Variants in PEPD observed in about 807,000 individuals in gnomAD.
The protein encoded by PEPD is peptidase D.
In PEPD, 53 loss-of-function variants were observed where a neutral mutation model predicts 60.7. That is an observed-to-expected ratio of 0.87 (90% confidence interval 0.70 to 1.10). The LOEUF (loss-of-function observed/expected upper bound fraction) is 1.10, where lower values mean the gene tolerates loss of function less well. PEPD is among the 50% of genes least tolerant of loss of function. PEPD has a pLI of 0.00. For synonymous variants in PEPD, 267 were observed against 284.1 expected (o/e 0.94, Z 0.60); for missense variants, 711 against 711.9 (o/e 1.00, Z 0.01).
chr19:33,450,890 C>CGCCATGTCAGTTTACCATTGT (rs1358830873), intron 9 of PEPD, among the ~76,000 whole-genome samples: 4 of 152,280 alleles, frequency 2.6e-5, no homozygotes, highest in African/African-American at 9.6e-5. Flanking sequence ...CCCACCAGTG[C>CGCCATGTCAGTTTACCATTGT]GCCATGTCAG....
At chr19:33,430,866 G>A (rs1398761261) in intron 9 of PEPD, among the ~76,000 whole-genome samples, 1 of 152,054 alleles carries the variant, frequency 6.6e-6, no homozygotes, top group African/African-American at 2.4e-5. Flanking sequence ...GCAAGTGCAC[G>A]CCGTCTGCCA....
At chr19:33,392,876 C>T (rs758955295) in intron 12 of PEPD, among the ~76,000 whole-genome samples, 4 of 151,864 alleles carry the variant, frequency 2.6e-5, no homozygotes, top group South Asian at 4.1e-4. Flanking sequence ...CCATCACCCC[C>T]GACACACTGG....
chr19:33,436,570 A>G (rs1048689352), intron 9 of PEPD, among the ~76,000 whole-genome samples: 2 of 152,212 alleles, frequency 1.3e-5, no homozygotes, highest in African/African-American at 4.8e-5. Context: ...TGGGAGAAGA[A>G]GATGTTTAGG....
chr19:33,422,649 G>A (rs935019762), intron 9 of PEPD, among the ~76,000 whole-genome samples: 4 of 134,290 alleles, frequency 3.0e-5, no homozygotes, highest in Non-Finnish European at 6.4e-5. Flanking sequence ...TACCTCCTAC[G>A]TACCTATCAT....
In PEPD at chr19:33,408,439, GCACAGCCTCGGTCAGTT is replaced by G. The variant is rs1205326356; in HGVS notation, c.818+3216_818+3232del. ...CTTACACTGTGATCATTGCAACGCA[GCACAGCCTCGGTCAGTT>G]CCCTGTGTGTGTATCCATGTGTGTG... On this transcript the variant is annotated intron_variant, in intron 11 of 14. Coordinates refer to ENST00000244137, the MANE Select transcript of PEPD (RefSeq NM_000285.4). Among the ~76,000 whole-genome samples the G allele has an allele frequency of 7.2e-5, 11 of 152,376 alleles. No homozygotes were observed. In the East Asian group the frequency reaches 2.1e-3, roughly 29 times the overall value.
chr19:33,437,692 G>A (rs556615048), intron 9 of PEPD, among the ~76,000 whole-genome samples: 2 of 152,346 alleles, frequency 1.3e-5, no homozygotes, highest in Admixed American at 6.5e-5. Context: ...AGTGCAGAGA[G>A]CCCGTTGGAA....
At chr19:33,475,963 G>A (rs1001221827) in intron 7 of PEPD, among the ~76,000 whole-genome samples, 16 of 152,178 alleles carry the variant, frequency 1.1e-4, no homozygotes, top group African/African-American at 3.6e-4. Flanking sequence ...GGGCTCAAGC[G>A]ATCCTCCTGC....
chr19:33,519,298 T>A (rs1161755963), intron 1 of PEPD, among the ~76,000 whole-genome samples: 2 of 152,176 alleles, frequency 1.3e-5, no homozygotes, highest in African/African-American at 4.8e-5. Flanking sequence ...ATTCTTGAGT[T>A]TCAAATTAAA....
chr19:33,511,309 C>T, intron 2 of PEPD, 154 bp from the exon 3 acceptor site: 3 of 732,274 alleles, frequency 4.1e-6, no homozygotes, highest in Non-Finnish European at 7.1e-6. Flanking sequence ...CAGCACTCGA[C>T]TCCCCAGCTC....
At chr19:33,486,611 C>A (rs1019198032) in intron 6 of PEPD, among the ~76,000 whole-genome samples, 5 of 152,134 alleles carry the variant, frequency 3.3e-5, no homozygotes, top group Admixed American at 6.5e-5. Flanking sequence ...CCCCACACCT[C>A]GAGACCCCAC....
rs1968082405 is a variant in PEPD, at chr19:33,386,993, T to A, written c.*351A>T. On this transcript the variant is annotated 3_prime_UTR_variant, in exon 15 of 15. Coordinates refer to ENST00000244137, the MANE Select transcript of PEPD (RefSeq NM_000285.4). ...TTTATTGCAAATGCCATTCTGCATA[T>A]TGATTTTTGACAGAAAGTATCAGAA... 3.3e-6 allele frequency: 1 copy of A among 307,044 alleles called. No homozygotes were observed. The highest frequency in any genetic ancestry group is 6.0e-6 in the Non-Finnish European group (1 of 165,536). 19.0% of individuals were successfully genotyped at this position (307,044 alleles called of 1,614,324 possible).
intron 14 of PEPD, 137 bp from the exon 15 acceptor site, chr19:33,387,618 T>TGCCCGGAG: frequency 7.0e-6 from 8 of 1,139,884 alleles, no homozygotes; most frequent in Non-Finnish European, 1.0e-5. Flanking sequence ...GCCTCCGGGC[T>TGCCCGGAG]CCTTCATGGA....
chr19:33,410,816 G>A (rs3786905), intron 11 of PEPD, among the ~76,000 whole-genome samples: 1 of 152,208 alleles, frequency 6.6e-6, no homozygotes, highest in East Asian at 1.9e-4. Context: ...CAGGGCCTGC[G>A]TGGCTGTGGC....
Position 33,387,901 on chromosome 19 carries a change from C to A in PEPD, c.1333G>T (p.Gly445Cys), listed in dbSNP as rs368651528. The A allele has an allele frequency of 2.8e-5, 44 of 1,571,604 alleles. No individual in the cohort carries two copies. The highest frequency in any genetic ancestry group is 3.4e-5 in the Non-Finnish European group (39 of 1,159,042). Residue 445 changes from glycine to cysteine, a missense_variant, in exon 14 of 15, where the codon GGT (glycine) becomes TGT (cysteine). By Grantham distance (159) the Gly-to-Cys change is radical. Coordinates refer to ENST00000244137, the MANE Select transcript of PEPD (RefSeq NM_000285.4). ...LNREVLQRFR[G>C]FGGVRIEEDV... Reference sequence around the variant, plus strand: ...CCGTGGGCACTCACCCCGCCAAAACCGCGAAAGCGCTGCAGGACCTCGCGG... The same window carrying A: ...CCGTGGGCACTCACCCCGCCAAAACAGCGAAAGCGCTGCAGGACCTCGCGG...
intron 9 of PEPD, among the ~76,000 whole-genome samples, chr19:33,426,460 G>A (rs1156583178): frequency 3.3e-5 from 5 of 152,200 alleles, no homozygotes; most frequent in African/African-American, 4.8e-5. Context: ...AAGCACTGTC[G>A]CACCTGGGCC....
At chr19:33,388,113 G>A in intron 13 of PEPD, 32 bp from the exon 14 acceptor site, 2 of 1,528,076 alleles carry the variant, frequency 1.3e-6, no homozygotes, top group Non-Finnish European at 1.8e-6. Context: ...GGCCTGATGA[G>A]CAGCTCCAGG....
intron 12 of PEPD, among the ~76,000 whole-genome samples, chr19:33,395,821 T>A (rs1247209642): frequency 1.3e-5 from 2 of 152,330 alleles, no homozygotes; most frequent in East Asian, 3.9e-4. Flanking sequence ...AGCCAGGCTC[T>A]AGGGGTGTAG....
At chr19:33,503,654 G>A (rs1299951748) in intron 3 of PEPD, among the ~76,000 whole-genome samples, 2 of 152,108 alleles carry the variant, frequency 1.3e-5, no homozygotes, top group South Asian at 2.1e-4. Flanking sequence ...CAAAAGGCAG[G>A]GCCATCAGCG....
intron 7 of PEPD, among the ~76,000 whole-genome samples, chr19:33,473,522 G>A (rs1158812357): frequency 6.6e-6 from 1 of 151,260 alleles, no homozygotes; most frequent in Non-Finnish European, 1.5e-5. Flanking sequence ...AAAACCGGCA[G>A]ATGACTCAAT....
Sources: allele counts gnomAD v4.1 joint callset (sites outside exome capture counted in the v4.1 genomes callset), GRCh38; gene constraint gnomAD v4.1.1; transcripts MANE v1.5; gene names NCBI Gene and HGNC (gene_info 2026-07-23, HGNC 2026-07-21).